Variants in QTMAN observed in about 807,000 individuals in gnomAD.
The protein encoded by QTMAN is queuosine-tRNA mannosyltransferase.
At chr2:144,288,839 C>T in the QTMAN span, among the ~76,000 whole-genome samples, 1 of 152,168 alleles carries the variant, frequency 6.6e-6, no homozygotes, top group Admixed American at 6.5e-5. Flanking sequence ...GTTCTATACA[C>T]TACTACACCC....
the QTMAN span, among the ~76,000 whole-genome samples, chr2:144,077,202 G>A: frequency 3.3e-4 from 51 of 152,318 alleles, no homozygotes; most frequent in Middle Eastern, 0.01. Flanking sequence ...TGGCTTTTGT[G>A]ATACACAATG....
the QTMAN span, among the ~76,000 whole-genome samples, chr2:143,973,641 T>C: frequency 6.6e-6 from 1 of 151,882 alleles, no homozygotes; most frequent in Non-Finnish European, 1.5e-5. Flanking sequence ...ATATAAAAAT[T>C]AGCCGGGCAT....
At chr2:144,242,106 A>C in the QTMAN span, among the ~76,000 whole-genome samples, 1 of 152,184 alleles carries the variant, frequency 6.6e-6, no homozygotes, top group South Asian at 2.1e-4. Context: ...CAGCTAGAGA[A>C]TATAGCACAA....
At chr2:144,207,195 C>T in the QTMAN span, among the ~76,000 whole-genome samples, 14 of 152,032 alleles carry the variant, frequency 9.2e-5, no homozygotes, top group Admixed American at 5.9e-4. Flanking sequence ...ACTTTAAATT[C>T]GAAAAAAATA....
the QTMAN span, among the ~76,000 whole-genome samples, chr2:144,140,562 T>G: frequency 6.6e-6 from 1 of 152,072 alleles, no homozygotes; most frequent in Admixed American, 6.6e-5. Flanking sequence ...AAACTATGTC[T>G]ACAAATACAT....
chr2:143,971,762 G>A, the QTMAN span, among the ~76,000 whole-genome samples: 15 of 151,874 alleles, frequency 9.9e-5, no homozygotes, highest in African/African-American at 3.4e-4. Context: ...ATCAGCAATT[G>A]AATTTCTCAT....
the QTMAN span, among the ~76,000 whole-genome samples, chr2:144,085,510 A>C: frequency 1.3e-5 from 2 of 152,218 alleles, no homozygotes; most frequent in Non-Finnish European, 2.9e-5. Context: ...GGGTAAGAAA[A>C]GGAAGAAGCA....
the QTMAN span, among the ~76,000 whole-genome samples, chr2:144,195,761 A>G: frequency 3.9e-5 from 6 of 152,166 alleles, no homozygotes; most frequent in Non-Finnish European, 8.8e-5. Context: ...TAAGACCTCA[A>G]TTCTTAACCT....
At chr2:144,034,283 T>A in the QTMAN span, among the ~76,000 whole-genome samples, 1 of 152,214 alleles carries the variant, frequency 6.6e-6, no homozygotes. Flanking sequence ...TTCAGCTTAA[T>A]AGCCACCACC....
At chr2:144,123,747 C>T in the QTMAN span, among the ~76,000 whole-genome samples, 1 of 151,976 alleles carries the variant, frequency 6.6e-6, no homozygotes, top group African/African-American at 2.4e-5. Context: ...CAGTCCTTGT[C>T]TTTTTAATCT....
At chr2:144,218,418 AC>A in the QTMAN span, among the ~76,000 whole-genome samples, 20 of 152,314 alleles carry the variant, frequency 1.3e-4, no homozygotes, top group Non-Finnish European at 1.9e-4. Context: ...GAAGGAGTCC[AC>A]TGGCTTAATC....
the QTMAN span, among the ~76,000 whole-genome samples, chr2:144,270,659 G>T: frequency 1.2e-4 from 18 of 151,634 alleles, no homozygotes; most frequent in East Asian, 5.8e-4. Flanking sequence ...TGCCGGGGGT[G>T]GGGGGGCAAG....
the QTMAN span, among the ~76,000 whole-genome samples, chr2:144,028,231 G>A: frequency 6.6e-6 from 1 of 152,074 alleles, no homozygotes; most frequent in African/African-American, 2.4e-5. Flanking sequence ...CTGTTGAGAG[G>A]GTAAAGTATA....
chr2:144,142,828 A>T, the QTMAN span, among the ~76,000 whole-genome samples: 1 of 152,008 alleles, frequency 6.6e-6, no homozygotes, highest in South Asian at 2.1e-4. Context: ...CAATGAAATA[A>T]ATGTGGTAAT....
At chr2:144,108,236 T>C in the QTMAN span, among the ~76,000 whole-genome samples, 1 of 152,050 alleles carries the variant, frequency 6.6e-6, no homozygotes, top group African/African-American at 2.4e-5. Context: ...TTCAACATAG[T>C]GTTGGAAGTT....
At chr2:144,123,101 T>G in the QTMAN span, among the ~76,000 whole-genome samples, 1 of 152,302 alleles carries the variant, frequency 6.6e-6, no homozygotes, top group Admixed American at 6.5e-5. Flanking sequence ...TTTTAAAAAT[T>G]GTTAAATTAC....
chr2:144,156,571 T>C, the QTMAN span, among the ~76,000 whole-genome samples: 1 of 152,212 alleles, frequency 6.6e-6, no homozygotes, highest in African/African-American at 2.4e-5. Context: ...TAATATTAAT[T>C]ACCCCATATA....
At chr2:144,318,158 A>G in the QTMAN span, among the ~76,000 whole-genome samples, 2 of 151,442 alleles carry the variant, frequency 1.3e-5, no homozygotes, top group African/African-American at 4.9e-5. Flanking sequence ...TACCTTATCT[A>G]TAAGGTAAAA....
the QTMAN span, among the ~76,000 whole-genome samples, chr2:144,046,434 T>C: frequency 2.6e-5 from 4 of 152,300 alleles, no homozygotes; most frequent in African/African-American, 7.2e-5. Context: ...ATACAGACCA[T>C]AAGCGCAGTG....
Sources: gnomAD v4.1 joint callset for allele counts (sites outside exome capture counted in the v4.1 genomes callset) on GRCh38, gnomAD v4.1.1 for gene constraint, MANE v1.5 for transcripts, NCBI Gene and HGNC (gene_info 2026-07-23, HGNC 2026-07-21) for gene names.